The following PLEC variants were observed in gnomAD, a reference collection of about 807,000 sequenced individuals.
PLEC encodes the protein plectin, also known as hemidesmosomal protein 1.
PLEC carries 216 observed loss-of-function variants against 392.8 expected under a neutral mutation model. The observed-to-expected ratio is 0.55, with a 90% confidence interval of 0.49 to 0.62. The LOEUF (loss-of-function observed/expected upper bound fraction) is 0.62. PLEC is among the 20% of genes least tolerant of loss of function. PLEC has a pLI of 0.00. For synonymous variants in PLEC, 3,621 were observed against 2,980.6 expected, an observed-to-expected ratio of 1.21 and a Z score of -7.00; for missense variants, 6,863 against 6,563.4, an observed-to-expected ratio of 1.05 and a Z score of -1.58.
At chr8:143,970,397 T>G (rs1025216036) in intron 1 of PLEC, among the ~76,000 whole-genome samples, 4 of 151,646 alleles carry the variant, frequency 2.6e-5, no homozygotes, top group Non-Finnish European at 2.9e-5. Flanking sequence ...TCGCTGTGCA[T>G]GAGAGAGGGC....
upstream of PLEC, among the ~76,000 whole-genome samples, chr8:143,951,825 G>C (rs1370431235): frequency 6.6e-6 from 1 of 152,076 alleles, no homozygotes; most frequent in African/African-American, 2.4e-5. Flanking sequence ...AAACTGCCCT[G>C]TGAGGCCCTG....
rs782018757 is a variant in PLEC, at chr8:143,920,551, C to T, written c.9270G>A (p.Glu3090=). 5 of 1,611,522 alleles carry T rather than the reference C, an allele frequency of 3.1e-6. No individual in the cohort carries two copies. The highest frequency in any genetic ancestry group is 2.5e-6 in the Non-Finnish European group (3 of 1,179,708). The change falls in exon 32 of 32, where the codon GAG becomes GAA. Residue 3090 remains glutamate (E), a synonymous_variant. Transcript: ENST00000345136. ...EAVRAGLVGP[E]FHEKLLSAEK... is the part of the protein sequence containing the mutation. The stretch of plus-strand genomic sequence containing the variant: ...CGGCTGATAGCAGCTTCTCATGAAA[C>T]TCGGGGCCCACCAGGCCAGCACGCA...
At chr8:143,961,066 G>C (rs947300254) in intron 1 of PLEC, among the ~76,000 whole-genome samples, 1 of 152,230 alleles carries the variant, frequency 6.6e-6, no homozygotes, top group African/African-American at 2.4e-5. Flanking sequence ...CACACACTGC[G>C]CGTTTGTGGC....
chr8:143,938,147 G>A lies in PLEC; in HGVS notation c.264+4C>T, dbSNP rs369467661. The stretch of plus-strand genomic sequence containing the variant: ...GGGCCCGGAGGGGGCAGGGGCACAC[G>A]TACCAGGCTGTCCCCCGAGAGGACC... On this transcript the variant is annotated splice_donor_region_variant and intron_variant, in intron 3 of 31. Transcript: ENST00000345136. The A allele has an allele frequency of 3.1e-5, 49 of 1,599,072 alleles. No individual in the cohort carries two copies. The African/African-American group carries it at 4.6e-4, about 15-fold the overall frequency.
chr8:143,973,366 G>A lies in PLEC; in HGVS notation c.70+37C>T, dbSNP rs1270560012. 1 of 1,551,934 alleles carries A rather than the reference G, an allele frequency of 6.4e-7. No homozygotes were observed. ...AAGGTGCTCGGCGGCTGGGCTGTCA[G>A]GAGCGGCCCGACAGGCAGCGGGACG... is the stretch of plus-strand genomic sequence containing the variant. On this transcript the variant is annotated intron_variant, in intron 1 of 31. Coordinates refer to the PLEC transcript ENST00000356346. The surrounding 1 kb of genome is among the most constrained non-coding windows in gnomAD (Gnocchi z 5.6).
chr8:143,936,948 G>T (rs781930013), intron 5 of PLEC, 31 bp downstream of exon 5: 23 of 1,527,750 alleles, frequency 1.5e-5, no homozygotes, highest in Admixed American at 3.3e-5. Context: ...ACTCCTGCAG[G>T]GGGTGGGGGT....
rs1827941046 is a variant in PLEC at position 143,933,236 on chromosome 8, T to C, written c.1379A>G (p.Lys460Arg). 3.1e-6 allele frequency: 5 copies of C among 1,613,084 alleles called. No homozygotes were observed. Among genetic ancestry groups the C allele is most frequent in the South Asian group, 1.1e-5 (1 of 91,084 alleles). ...CTCGCCCTGCGGGTGCCGTCCATCC[T>C]TGAGGGTCTGCACGTCGTTGAAGAG... is the stretch of plus-strand genomic sequence containing the variant. Reference protein sequence around the residue: ...RLLFNDVQTLKDGRHPQGEQM... With the variant: ...RLLFNDVQTLRDGRHPQGEQM... The change falls in exon 13 of 32, where the codon AAG becomes AGG. Residue 460 changes from lysine (K) to arginine (R), a missense_variant. Physicochemically the swap from Lys to Arg is conservative, Grantham distance 26. Transcript: ENST00000345136.
rs782252148 is a variant in PLEC at position 143,919,320 on chromosome 8, C to T, written c.10501G>A (p.Val3501Ile). 46 of 1,613,836 alleles carry T rather than the reference C, an allele frequency of 2.9e-5. No homozygotes were observed. The highest frequency in any genetic ancestry group is 6.7e-5 in the East Asian group (3 of 44,896). Reference protein sequence around the residue: ...RGYFSEEMNRVLADPSDDTKG... With the variant: ...RGYFSEEMNRILADPSDDTKG... ...GTGTCGTCGCTGGGGTCCGCCAGGA[C>T]GCGGTTCATCTCCTCACTGAAGTAG... is the stretch of plus-strand genomic sequence containing the variant. The change falls in exon 32 of 32, where the codon GTC becomes ATC. Residue 3501 changes from valine to isoleucine, a missense_variant. Physicochemically the swap from Val to Ile is conservative, Grantham distance 29. Transcript: ENST00000345136.
At chr8:143,952,195 C>T (rs1554737213), upstream of PLEC, among the ~76,000 whole-genome samples, 1 of 124,876 alleles carries the variant, frequency 8.0e-6, no homozygotes, top group African/African-American at 3.5e-5. Context: ...CACACACACA[C>T]ACACACACAC....
chr8:143,964,533 C>T (rs185864122), intron 1 of PLEC, among the ~76,000 whole-genome samples: 90 of 152,286 alleles, frequency 5.9e-4, no homozygotes, highest in East Asian at 5.6e-3. Context: ...GAACAGAGTC[C>T]GCCCTGGAGC....
chr8:143,941,730 C>A (rs1411803458), upstream of PLEC, among the ~76,000 whole-genome samples: 2 of 149,864 alleles, frequency 1.3e-5, no homozygotes, highest in Non-Finnish European at 3.0e-5. Context: ...CAGACACACC[C>A]GCCCCACCCA....
rs782073897 is a variant in PLEC, at chr8:143,925,171, G to A, written c.4758C>T (p.Ala1586=). 26 of 1,563,344 alleles carry A rather than the reference G, an allele frequency of 1.7e-5. No homozygotes were observed. The East Asian group carries it at 1.9e-4, about 11-fold the overall frequency. Residue 1586 remains alanine, a synonymous_variant, in exon 31 of 32, where the codon GCC becomes GCT. Coordinates refer to ENST00000345136, the MANE Select transcript of PLEC (RefSeq NM_201384.3). The part of the protein sequence containing the change: ...AELQSKRASF[A]EKTAQLERSL... ...AGCGCTCCAGCTGTGCCGTCTTCTC[G>A]GCGAAGGAGGCGCGTTTGCTCTGCA...
Position 143,933,281 on chromosome 8 carries a change from G to T in PLEC, c.1334C>A (p.Ala445Glu), listed in dbSNP as rs537224810. ...GAAGAGCAGCCGGATCATGCTATCC[G>T]CCTTGTCCAAGTCCCGTTCCACCTC... is the stretch of plus-strand genomic sequence containing the variant. ...AGEVERDLDK[A>E]DSMIRLLFND... The change falls in exon 13 of 32, where the codon GCG becomes GAG. Residue 445 changes from alanine (A) to glutamate (E), a missense_variant. Transcript: ENST00000345136. 1.9e-6 allele frequency: 3 copies of T among 1,612,976 alleles called. No individual in the cohort carries two copies. The highest frequency in any genetic ancestry group is 8.5e-7 in the Non-Finnish European group (1 of 1,179,958).
Position 143,927,245 on chromosome 8 carries a change from G to T in PLEC, c.3840+7C>A. The T allele has an allele frequency of 6.2e-7, 1 of 1,612,238 alleles. No homozygotes were observed. Among genetic ancestry groups the T allele is most frequent in the Non-Finnish European group, 8.5e-7 (1 of 1,179,050 alleles). On this transcript the variant is annotated splice_region_variant and intron_variant, in intron 28 of 31. Coordinates refer to ENST00000345136, the MANE Select transcript of PLEC (RefSeq NM_201384.3). ...CTTGGGGCCTGGTGCAGGCGGCTGG[G>T]CCTCACCTTGATGGCGTTGATGTAC...
At chr8:143,950,409 C>T (rs782555967) in exon 1 of PLEC, 46 of 1,606,946 alleles carry the variant, frequency 2.9e-5, no homozygotes, top group Non-Finnish European at 3.8e-5. Flanking sequence ...GGGCGGCGCA[C>T]GCGCTGCAGA....
In PLEC at chr8:143,923,854, C is replaced by A; in HGVS notation, c.6075G>T (p.Arg2025=). ...KAKVEEARRL[R]ERAEQESARQ... The stretch of plus-strand genomic sequence containing the variant: ...GCGCCGACTCCTGCTCCGCTCGCTC[C>A]CGCAGGCGCCGCGCCTCCTCCACCT... The change falls in exon 31 of 32, where the codon CGG becomes CGT. Residue 2025 remains arginine, a synonymous_variant. Transcript: ENST00000345136. 6.3e-7 allele frequency: 1 copy of A among 1,590,778 alleles called. No homozygotes were observed. The highest frequency in any genetic ancestry group is 8.5e-7 in the Non-Finnish European group (1 of 1,176,314).
At position 143,934,700 on chromosome 8, in the gene PLEC, C is replaced by T; in HGVS notation, c.976G>A (p.Glu326Lys). ...GCCTCCTTGGCTGGTAGCTCCATCT[C>T]CTTAAACTTCAGGAACTGAGACCAC... ...ILWSQFLKFK[E>K]MELPAKEADK... Residue 326 changes from glutamate (E) to lysine (K), a missense_variant, in exon 10 of 32, where the codon GAG becomes AAG. Transcript: ENST00000345136. 6.2e-7 allele frequency: 1 copy of T among 1,612,884 alleles called. No homozygotes were observed. The highest frequency in any genetic ancestry group is 8.5e-7 in the Non-Finnish European group (1 of 1,179,962).
At chr8:143,954,766 C>G (rs1465310833), upstream of PLEC, among the ~76,000 whole-genome samples, 1 of 152,174 alleles carries the variant, frequency 6.6e-6, no homozygotes, top group East Asian at 1.9e-4. This position sits in a 1 kb window ranked among gnomAD's most constrained non-coding sequence, Gnocchi z 4.6. Context: ...CACCAGGGCA[C>G]CCCTTCAACA....
At chr8:143,957,801 GCCCA>G (rs1832672086), upstream of PLEC, among the ~76,000 whole-genome samples, 1 of 149,424 alleles carries the variant, frequency 6.7e-6, no homozygotes, top group Non-Finnish European at 1.5e-5. Context: ...CCATCTTCAC[GCCCA>G]CCCACCCACC....
Sources: gnomAD v4.1 joint callset for allele counts (sites outside exome capture counted in the v4.1 genomes callset) on GRCh38, gnomAD v4.1.1 for gene constraint, Gnocchi (gnomAD v3.1) non-coding constraint, MANE v1.5 for transcripts, NCBI Gene and HGNC (gene_info 2026-07-23, HGNC 2026-07-21) for gene names.